SLC39A14: variants seen among roughly 807,000 people sequenced by gnomAD.
SLC39A14 encodes metal cation symporter ZIP14.
In SLC39A14, 19 loss-of-function variants were observed where a neutral mutation model predicts 45.5. That is an observed-to-expected ratio of 0.42 (90% CI 0.29 to 0.61). SLC39A14 has a LOEUF of 0.61. Ranked by LOEUF, SLC39A14 falls within the 20% of genes least tolerant of loss-of-function variation. The pLI is 0.22. For missense variants in SLC39A14, 447 were observed against 616.5 expected (o/e 0.73, Z 2.91); for synonymous variants, 264 against 251.3 (o/e 1.05, Z -0.48).
intron 1 of SLC39A14, among the ~76,000 whole-genome samples, chr8:22,372,260 A>G (rs1453199654): frequency 3.9e-5 from 6 of 152,156 alleles, no homozygotes; most frequent in Non-Finnish European, 1.5e-5. Context: ...ACATAGTTGA[A>G]AAATCAAGAC....
rs1008433088 is a variant in SLC39A14 at position 22,421,610 on chromosome 8, T to A, written c.*1912T>A. On this transcript the variant is annotated 3_prime_UTR_variant, in exon 9 of 9. Transcript: ENST00000381237. ...ACGGTTCTTTGTCTTTTCTGTTTTATTTTTCTCAAGCTGCTTTCAGGAGCT... is the reference window on the plus strand; with the variant it reads ...ACGGTTCTTTGTCTTTTCTGTTTTAATTTTCTCAAGCTGCTTTCAGGAGCT... The A allele has an allele frequency of 1.0e-6, 1 of 985,724 alleles. No individual in the cohort carries two copies. The highest frequency in any genetic ancestry group is 1.2e-6 in the Non-Finnish European group (1 of 829,912). The allele number at this position is 985,724 out of a possible 1,614,324, so 61.1% of individuals were successfully genotyped here. A position where few individuals can be genotyped will look rare whatever the true frequency, so the allele number is the denominator to read the frequency against.
intron 1 of SLC39A14, among the ~76,000 whole-genome samples, chr8:22,402,536 G>A (rs1405668004): frequency 2.0e-5 from 3 of 152,168 alleles, no homozygotes; most frequent in South Asian, 2.1e-4. Context: ...TGGGGAGCCC[G>A]AGGCAGGAGG....
chr8:22,411,675 G>A (rs1378417766), intron 3 of SLC39A14, among the ~76,000 whole-genome samples: 4 of 152,194 alleles, frequency 2.6e-5, no homozygotes, highest in African/African-American at 9.7e-5. Context: ...GACCTTGGGT[G>A]TGTGACGAGG....
At chr8:22,424,384 T>C (rs1169568627), downstream of SLC39A14, among the ~76,000 whole-genome samples, 1 of 152,206 alleles carries the variant, frequency 6.6e-6, no homozygotes, top group Non-Finnish European at 1.5e-5. Flanking sequence ...GTTGGTTCAA[T>C]CTTATGACTA....
chr8:22,408,227 G>A, intron 2 of SLC39A14, 83 bp from the exon 3 acceptor site: 2 of 1,235,374 alleles, frequency 1.6e-6, no homozygotes, highest in East Asian at 2.4e-5. Flanking sequence ...TTTTCCTCTG[G>A]GAAGGCTGAG....
intron 8 of SLC39A14, among the ~76,000 whole-genome samples, chr8:22,429,285 C>T (rs1836433752): frequency 6.6e-6 from 1 of 151,806 alleles, no homozygotes. Flanking sequence ...AACAAACAAA[C>T]AAAAAAAGAA....
At chr8:22,374,968 ACTC>A (rs750333220) in intron 1 of SLC39A14, among the ~76,000 whole-genome samples, 4 of 150,282 alleles carry the variant, frequency 2.7e-5, no homozygotes, top group Non-Finnish European at 5.9e-5. Context: ...CTGGTCTCGA[ACTC>A]CTGACCTCAA....
rs1563563570 is a variant in SLC39A14 at position 22,404,868 on chromosome 8, A to G, written c.158A>G (p.Glu53Gly). Residue 53 changes from glutamate to glycine, a missense_variant, in exon 2 of 9, where the codon GAG (glutamate) becomes GGG (glycine). Coordinates refer to ENST00000381237, the MANE Select transcript of SLC39A14 (RefSeq NM_001128431.4). The stretch of plus-strand genomic sequence containing the variant: ...CAGGATCTAATACATCGGTATGGCG[A>G]GGGTGACAGCCTCACTCTGCAGCAG... ...FLQDLIHRYGEGDSLTLQQLK... is the reference protein window; with the variant it reads ...FLQDLIHRYGGGDSLTLQQLK... 6.2e-7 allele frequency: 1 copy of G among 1,614,154 alleles called. No individual in the cohort carries two copies. The highest frequency in any genetic ancestry group is 8.5e-7 in the Non-Finnish European group (1 of 1,180,026).
In SLC39A14 at chr8:22,408,639, C is replaced by T. The variant is rs17060832; in HGVS notation, c.457+143C>T. ...AGGTTGTCGGTGTCAGGAGCGGGAG[C>T]GATGATTGGATGGATAATTTTTGTA... On this transcript the variant is annotated intron_variant, in intron 3 of 8. Coordinates refer to ENST00000381237, the MANE Select transcript of SLC39A14 (RefSeq NM_001128431.4). 6,846 of 745,222 alleles carry T rather than the reference C, an allele frequency of 9.2e-3. 336 individuals are homozygous for T. The African/African-American group carries it at 0.11, about 12-fold the overall frequency. The allele number at this position is 745,222 out of a possible 1,614,324, so 46.2% of individuals were successfully genotyped here. A position where few individuals can be genotyped will look rare whatever the true frequency, so the allele number is the denominator to read the frequency against.
chr8:22,412,384 A>C (rs565586377), intron 4 of SLC39A14, among the ~76,000 whole-genome samples, 178 bp downstream of exon 4: 13 of 152,340 alleles, frequency 8.5e-5, no homozygotes, highest in Non-Finnish European at 1.9e-4. Context: ...GCTGGGTTCA[A>C]ATCTCAGCTC....
chr8:22,410,831 C>T (rs1211194491), intron 3 of SLC39A14, among the ~76,000 whole-genome samples: 1 of 152,154 alleles, frequency 6.6e-6, no homozygotes, highest in Non-Finnish European at 1.5e-5. Context: ...TGACAGTCTG[C>T]CCACTTTTTT....
chr8:22,375,912 T>G (rs1833190271), intron 1 of SLC39A14, among the ~76,000 whole-genome samples: 1 of 152,108 alleles, frequency 6.6e-6, no homozygotes, highest in South Asian at 2.1e-4. Context: ...CACCCCAGAG[T>G]ATAATTATAT....
intron 1 of SLC39A14, among the ~76,000 whole-genome samples, chr8:22,402,997 G>A (rs971582522): frequency 7.0e-6 from 1 of 142,462 alleles, no homozygotes; most frequent in Non-Finnish European, 1.5e-5. Context: ...TGTTTATTGA[G>A]ACAGAGTCTC....
At chr8:22,397,585 G>A (rs1173329342) in intron 1 of SLC39A14, among the ~76,000 whole-genome samples, 3 of 150,416 alleles carry the variant, frequency 2.0e-5, no homozygotes, top group Non-Finnish European at 3.0e-5. Flanking sequence ...GCGAGACTCC[G>A]TCCCAAAAAA....
chr8:22,417,605 T>C, intron 7 of SLC39A14, 46 bp from the exon 8 acceptor site: 1 of 1,541,402 alleles, frequency 6.5e-7, no homozygotes, highest in Non-Finnish European at 8.9e-7. Flanking sequence ...ATGCCCATCT[T>C]ACTCTTCCTT....
intron 1 of SLC39A14, among the ~76,000 whole-genome samples, chr8:22,384,744 T>C (rs1195961057): frequency 5.7e-4 from 67 of 117,096 alleles, no homozygotes; most frequent in Middle Eastern, 0.011. Context: ...GAGACTGTCT[T>C]AAAAAAAAAA....
intron 8 of SLC39A14, among the ~76,000 whole-genome samples, chr8:22,418,122 C>T (rs1373850526): frequency 6.6e-6 from 1 of 152,142 alleles, no homozygotes; most frequent in Non-Finnish European, 1.5e-5. Context: ...AGGCTAGTCT[C>T]GAACTCCCGG....
At chr8:22,404,159 C>G (rs1342684538) in intron 1 of SLC39A14, among the ~76,000 whole-genome samples, 1 of 152,150 alleles carries the variant, frequency 6.6e-6, no homozygotes, top group African/African-American at 2.4e-5. Flanking sequence ...TGCAGTGGCT[C>G]ACGCCTGTAA....
intron 4 of SLC39A14, among the ~76,000 whole-genome samples, chr8:22,412,583 A>G (rs1835637305): frequency 6.6e-6 from 1 of 152,162 alleles, no homozygotes; most frequent in African/African-American, 2.4e-5. Context: ...GAAAAGATGC[A>G]GTGTAGCGAG....
Sources: allele counts gnomAD v4.1 joint callset (sites outside exome capture counted in the v4.1 genomes callset), GRCh38; gene constraint gnomAD v4.1.1; transcripts MANE v1.5; gene names NCBI Gene and HGNC (gene_info 2026-07-23, HGNC 2026-07-21).